The following ACOXL variants were observed in gnomAD, a reference collection of about 807,000 sequenced individuals.
The protein encoded by ACOXL is acyl-CoA oxidase like, also known as acyl-coenzyme A oxidase-like protein.
ACOXL carries 70 observed loss-of-function variants against 71.9 expected under a neutral mutation model. The observed-to-expected ratio is 0.97, with a 90% CI of 0.80 to 1.19. The LOEUF (loss-of-function observed/expected upper bound fraction) is 1.19. Ranked by LOEUF, ACOXL falls within the 50% of genes most tolerant of loss-of-function variation. The probability of loss-of-function intolerance (pLI) is 0.00; values close to 1 mark genes in which losing one functional copy is unlikely to be tolerated. For missense variants in ACOXL, 703 were observed against 736.3 expected, an observed-to-expected ratio of 0.95 and a Z score of 0.52; for synonymous variants, 253 against 281.6, an observed-to-expected ratio of 0.90 and a Z score of 1.02.
chr2:111,097,978 G>A (rs1374989146), intron 17 of ACOXL, among the ~76,000 whole-genome samples: 7 of 152,224 alleles, frequency 4.6e-5, no homozygotes, highest in African/African-American at 1.4e-4. Flanking sequence ...GATTATGGAA[G>A]AGAGAAATAC....
chr2:110,862,847 C>A (rs1337762718), intron 10 of ACOXL, among the ~76,000 whole-genome samples: 1 of 152,192 alleles, frequency 6.6e-6, no homozygotes, highest in Non-Finnish European at 1.5e-5. Flanking sequence ...GGATTTCCAG[C>A]TTGTTTGGAA....
At chr2:110,920,755 AT>A (rs2060036394) in intron 11 of ACOXL, among the ~76,000 whole-genome samples, 1 of 152,148 alleles carries the variant, frequency 6.6e-6, no homozygotes, top group South Asian at 2.1e-4. Flanking sequence ...TTGGGATAGT[AT>A]TGACTTAGAA....
chr2:110,965,278 A>G (rs1410167141), intron 12 of ACOXL, among the ~76,000 whole-genome samples: 7 of 152,182 alleles, frequency 4.6e-5, no homozygotes, highest in Non-Finnish European at 1.0e-4. Context: ...TAGTGCTGCA[A>G]TAAACATGTG....
In ACOXL at chr2:110,843,685, G is replaced by A. The variant is rs181353639; in HGVS notation, c.788+2280G>A. On this transcript the variant is annotated intron_variant, in intron 10 of 17. Coordinates refer to ENST00000439055, the MANE Select transcript of ACOXL (RefSeq NM_001142807.4). ...CATGAGCTTGCCTCTTTAGGCTCCA[G>A]CCCCCACGTTCTGTGCTCTGCTCTC... Among the ~76,000 whole-genome samples the A allele has an allele frequency of 3.3e-5, 5 of 152,312 alleles. No homozygotes were observed. In the East Asian group the frequency reaches 9.6e-4, roughly 29 times the overall value.
intron 14 of ACOXL, among the ~76,000 whole-genome samples, chr2:111,020,729 C>T (rs2064713751): frequency 6.6e-6 from 1 of 152,170 alleles, no homozygotes; most frequent in African/African-American, 2.4e-5. Context: ...ATGATGTGGG[C>T]TCTCATGCAG....
At chr2:110,801,392 A>G (rs1388667293) in intron 7 of ACOXL, among the ~76,000 whole-genome samples, 1 of 152,204 alleles carries the variant, frequency 6.6e-6, no homozygotes, top group Admixed American at 6.5e-5. Flanking sequence ...TGCCCAAAGC[A>G]TGCACATGCA....
intron 16 of ACOXL, among the ~76,000 whole-genome samples, chr2:111,053,046 T>C (rs2066371744): frequency 6.6e-6 from 1 of 152,148 alleles, no homozygotes; most frequent in Non-Finnish European, 1.5e-5. Context: ...GCAACTGGAG[T>C]GTAACCTTGA....
intron 12 of ACOXL, chr2:110,968,687 T>C: frequency 8.6e-7 from 1 of 1,164,914 alleles, no homozygotes; most frequent in South Asian, 1.7e-5. Context: ...GAAGGCAAGC[T>C]TCCTCAGAGC....
chr2:110,829,509 T>C (rs1302627402), intron 9 of ACOXL, among the ~76,000 whole-genome samples: 1 of 152,176 alleles, frequency 6.6e-6, no homozygotes, highest in Non-Finnish European at 1.5e-5. Flanking sequence ...CTATCACCAA[T>C]GTAGTGCCAG....
At chr2:111,008,972 T>C (rs1396771105) in intron 14 of ACOXL, among the ~76,000 whole-genome samples, 1 of 152,206 alleles carries the variant, frequency 6.6e-6, no homozygotes, top group Non-Finnish European at 1.5e-5. Context: ...TTTTGAAGAG[T>C]ACTTTCTACA....
At chr2:110,768,492 TTGTGTGTG>T in intron 2 of ACOXL, 28 bp downstream of exon 2, 1 of 1,279,824 alleles carries the variant, frequency 7.8e-7, no homozygotes, top group Non-Finnish European at 1.1e-6. Flanking sequence ...TCTGGTATGG[TTGTGTGTG>T]TGTGTGTGTG....
intron 1 of ACOXL, among the ~76,000 whole-genome samples, chr2:110,755,142 G>A (rs1679498338): frequency 6.6e-6 from 1 of 152,136 alleles, no homozygotes; most frequent in African/African-American, 2.4e-5. Context: ...TCAGATGATG[G>A]TGGAGCTGCT....
intron 10 of ACOXL, among the ~76,000 whole-genome samples, chr2:110,905,999 A>G (rs2059426915): frequency 6.6e-6 from 1 of 152,098 alleles, no homozygotes; most frequent in Admixed American, 6.6e-5. Flanking sequence ...TGTGAGGGTC[A>G]AAGAGGAAAT....
At chr2:111,067,275 T>C (rs1264942491) in intron 16 of ACOXL, among the ~76,000 whole-genome samples, 2 of 152,066 alleles carry the variant, frequency 1.3e-5, no homozygotes, top group Non-Finnish European at 2.9e-5. Flanking sequence ...AATTAAAATA[T>C]AAAATTCTAA....
At chr2:110,938,420 T>G (rs1048773448) in intron 12 of ACOXL, among the ~76,000 whole-genome samples, 6 of 152,230 alleles carry the variant, frequency 3.9e-5, no homozygotes, top group East Asian at 3.8e-4. Flanking sequence ...GCTGATCCAG[T>G]GCACAGAGGC....
At chr2:111,087,436 C>T (rs1478152023) in intron 16 of ACOXL, among the ~76,000 whole-genome samples, 1 of 152,128 alleles carries the variant, frequency 6.6e-6, no homozygotes, top group Non-Finnish European at 1.5e-5. Context: ...TAGCATAGTA[C>T]TGGTACAAAA....
intron 14 of ACOXL, among the ~76,000 whole-genome samples, chr2:111,029,558 C>G (rs566916446): frequency 6.6e-6 from 1 of 152,238 alleles, no homozygotes; most frequent in Non-Finnish European, 1.5e-5. Context: ...TGGCTTCAGC[C>G]TCTTATTTCC....
chr2:110,839,132 G>GT (rs552548214), intron 9 of ACOXL, among the ~76,000 whole-genome samples: 3,054 of 145,250 alleles, frequency 0.021, 99 homozygotes, highest in African/African-American at 0.069. Context: ...CTTTTTCTGT[G>GT]TTTTTTTTTT....
chr2:110,989,427 G>A (rs2063077843), intron 13 of ACOXL, among the ~76,000 whole-genome samples: 1 of 152,132 alleles, frequency 6.6e-6, no homozygotes, highest in South Asian at 2.1e-4. Context: ...TATCAGAAAT[G>A]TAATTCAGAA....
Sources: gnomAD v4.1 joint callset for allele counts (sites outside exome capture counted in the v4.1 genomes callset) on GRCh38, gnomAD v4.1.1 for gene constraint, MANE v1.5 for transcripts, NCBI Gene and HGNC (gene_info 2026-07-23, HGNC 2026-07-21) for gene names.